The following CERS3 variants were observed in gnomAD, a reference collection of about 807,000 sequenced individuals.
The protein encoded by CERS3 is LAG1 homolog, ceramide synthase 3.
A neutral mutation model predicts 50.3 loss-of-function variants in CERS3; 33 were observed. That is an observed-to-expected ratio of 0.66 (90% CI 0.50 to 0.88). CERS3 has a LOEUF of 0.88. Ranked by LOEUF, CERS3 falls within the 40% of genes least tolerant of loss-of-function variation. The probability of loss-of-function intolerance (pLI) is 0.00; values close to 1 mark genes in which losing one functional copy is unlikely to be tolerated. For missense variants in CERS3, 470 were observed against 460.3 expected (o/e 1.02, Z -0.19); for synonymous variants, 176 against 155.2 (o/e 1.13, Z -0.99).
chr15:100,536,844 G>C (rs1037672741), intron 1 of CERS3, among the ~76,000 whole-genome samples: 11 of 152,178 alleles, frequency 7.2e-5, no homozygotes, highest in African/African-American at 2.7e-4. Flanking sequence ...GAATAAGGAG[G>C]TAAAAGGGTG....
At chr15:100,477,165 A>G (rs1442778353) in intron 7 of CERS3, among the ~76,000 whole-genome samples, 1 of 152,222 alleles carries the variant, frequency 6.6e-6, no homozygotes, top group Non-Finnish European at 1.5e-5. Context: ...GTTTGAAGGC[A>G]CTAAGTTTTG....
chr15:100,479,938 T>C, intron 6 of CERS3, 51 bp downstream of exon 6: 9 of 1,393,178 alleles, frequency 6.5e-6, no homozygotes, highest in Non-Finnish European at 8.1e-6. Flanking sequence ...CAGACAAGAA[T>C]TTCAAAAATT....
intron 11 of CERS3, among the ~76,000 whole-genome samples, chr15:100,441,800 TC>T (rs1350471955): frequency 8.2e-6 from 1 of 121,758 alleles, no homozygotes; most frequent in Non-Finnish European, 1.8e-5. Context: ...TACACATCAG[TC>T]CCCCCCAGTC....
rs199955619 is a variant in CERS3 at position 100,467,823 on chromosome 15, G to GTA, written c.845+1553_845+1554dup. On this transcript the variant is annotated intron_variant, in intron 10 of 11. Coordinates refer to ENST00000679737, the MANE Select transcript of CERS3 (RefSeq NM_001378789.1). ...TATATATATACGTCTATATATATGT[G>GTA]TATATATATACGTGTATATATATAT... Among the ~76,000 whole-genome samples, 4 of 44,038 alleles carry GTA rather than the reference G, an allele frequency of 9.1e-5. 1 individual carries two copies. Among genetic ancestry groups the GTA allele is most frequent in the Admixed American group, 2.6e-4 (1 of 3,800 alleles). The allele number at this position is 44,038 out of a possible 152,430, so 28.9% of individuals were successfully genotyped here.
intron 7 of CERS3, 118 bp downstream of exon 7, chr15:100,479,310 T>A: frequency 1.5e-6 from 1 of 663,880 alleles, no homozygotes. Flanking sequence ...GTAGAAAAAG[T>A]GCCAGGGATG....
intron 2 of CERS3, among the ~76,000 whole-genome samples, chr15:100,510,574 G>C (rs1009673368): frequency 2.6e-5 from 4 of 152,144 alleles, no homozygotes; most frequent in African/African-American, 9.7e-5. Flanking sequence ...AGTTACACCT[G>C]GTATGTGGCT....
intron 11 of CERS3, among the ~76,000 whole-genome samples, chr15:100,420,735 T>A (rs1336854564): frequency 6.6e-6 from 1 of 151,702 alleles, no homozygotes; most frequent in Non-Finnish European, 1.5e-5. Flanking sequence ...TTATCCACCA[T>A]GATCAAGTGG....
chr15:100,484,626 G>C lies in CERS3; in HGVS notation c.331C>G (p.Arg111Gly), dbSNP rs565321595. ...GLAKKCNLTE[R>G]QVERWFRSRR... Reference sequence around the variant, plus strand: ...CTCCTAAACCATCTTTCCACCTGGCGCTCCGTCAAGTTACACTTCTTTGCC... The same window carrying C: ...CTCCTAAACCATCTTTCCACCTGGCCCTCCGTCAAGTTACACTTCTTTGCC... The change falls in exon 5 of 12, where the codon CGC (arginine) becomes GGC (glycine). Residue 111 changes from arginine (R) to glycine (G), a missense_variant. Physicochemically the swap from Arg to Gly is moderately radical, Grantham distance 125. Transcript: ENST00000679737. The C allele has an allele frequency of 2.5e-6, 4 of 1,613,918 alleles. No individual in the cohort carries two copies. The South Asian group carries it at 3.3e-5, about 13-fold the overall frequency.
Position 100,528,424 on chromosome 15 carries a change from A to G in CERS3, c.-92+389T>C, listed in dbSNP as rs566703825. Among the ~76,000 whole-genome samples, 112 of 152,260 alleles carry G rather than the reference A, an allele frequency of 7.4e-4. 1 individual carries two copies. In the South Asian group the frequency reaches 0.022, roughly 30 times the overall value. On this transcript the variant is annotated intron_variant, in intron 1 of 11. Coordinates refer to ENST00000679737, the MANE Select transcript of CERS3 (RefSeq NM_001378789.1). ...CCTGGATTCAGGGCTTTCCTGATAAACCAAGCTATGCTGAGCATTCAGCCG... is the reference window on the plus strand; with the variant it reads ...CCTGGATTCAGGGCTTTCCTGATAAGCCAAGCTATGCTGAGCATTCAGCCG...
intron 3 of CERS3, among the ~76,000 whole-genome samples, chr15:100,495,071 G>A (rs1005242138): frequency 1.1e-4 from 17 of 152,218 alleles, no homozygotes; most frequent in Admixed American, 1.1e-3. Context: ...CACTGGGTGA[G>A]CGCTGAGTCA....
intron 11 of CERS3, chr15:100,426,207 A>C (rs2032802176): frequency 6.6e-6 from 1 of 152,250 alleles, no homozygotes; most frequent in Non-Finnish European, 1.5e-5. Flanking sequence ...CATAATAAAA[A>C]AATTAAAATG....
chr15:100,457,164 A>G lies in CERS3; in HGVS notation c.846-1118T>C, dbSNP rs146047607. Among the ~76,000 whole-genome samples the G allele has an allele frequency of 5.3e-3, 806 of 152,258 alleles. 12 individuals carry two copies. Among genetic ancestry groups the G allele is most frequent in the African/African-American group, 0.018 (754 of 41,550 alleles). On this transcript the variant is annotated intron_variant, in intron 10 of 11. Coordinates refer to ENST00000679737, the MANE Select transcript of CERS3 (RefSeq NM_001378789.1). ...TTGTAATTTTCATGCATTCTCTTCCAGTATTTTCCTATACAATTTTTTAAT... is the reference window on the plus strand; with the variant it reads ...TTGTAATTTTCATGCATTCTCTTCCGGTATTTTCCTATACAATTTTTTAAT...
intron 2 of CERS3, among the ~76,000 whole-genome samples, chr15:100,519,176 G>A (rs775475616): frequency 6.0e-5 from 9 of 149,684 alleles, no homozygotes; most frequent in African/African-American, 9.8e-5. Flanking sequence ...AAAAAAATCC[G>A]CCAAAAAATA....
intron 1 of CERS3, among the ~76,000 whole-genome samples, chr15:100,522,354 T>C (rs1480237499): frequency 6.6e-6 from 1 of 152,208 alleles, no homozygotes; most frequent in Admixed American, 6.5e-5. Context: ...TAAACCAAGA[T>C]CTCTGAAGGT....
intron 11 of CERS3, among the ~76,000 whole-genome samples, chr15:100,442,991 A>T (rs1028024560): frequency 2.0e-5 from 3 of 151,526 alleles, no homozygotes; most frequent in African/African-American, 4.8e-5. Flanking sequence ...GTGCCAACTT[A>T]GACAATACTC....
chr15:100,408,744 TTA>T (rs1263132882), intron 11 of CERS3: 1 of 152,186 alleles, frequency 6.6e-6, no homozygotes, highest in Non-Finnish European at 1.5e-5. Context: ...AAATCTCTCT[TTA>T]TATTCAATTT....
intron 3 of CERS3, among the ~76,000 whole-genome samples, chr15:100,495,072 C>T (rs2654625): frequency 0.78 from 119,138 of 152,138 alleles, 48,344 homozygotes; most frequent in East Asian, 0.93. Flanking sequence ...ACTGGGTGAG[C>T]GCTGAGTCAG....
intron 11 of CERS3, among the ~76,000 whole-genome samples, chr15:100,417,164 G>C (rs1567596288): frequency 6.6e-6 from 1 of 151,866 alleles, no homozygotes; most frequent in Non-Finnish European, 1.5e-5. Context: ...ATTTCCATCT[G>C]AGGTACCAGG....
intron 3 of CERS3, among the ~76,000 whole-genome samples, chr15:100,493,747 T>C (rs1430933901): frequency 6.6e-6 from 1 of 152,228 alleles, no homozygotes. Context: ...CTCTTTCTTA[T>C]GCCTGCTCAA....
Sources: gnomAD v4.1 joint callset for allele counts (sites outside exome capture counted in the v4.1 genomes callset) on GRCh38, gnomAD v4.1.1 for gene constraint, MANE v1.5 for transcripts, NCBI Gene and HGNC (gene_info 2026-07-23, HGNC 2026-07-21) for gene names.